The following HTT variants were observed in gnomAD, a reference collection of about 807,000 sequenced individuals.
HTT encodes the protein huntingtin, also known as huntington disease protein.
In HTT, 104 loss-of-function variants were observed where a neutral mutation model predicts 362.3. The ratio of observed to expected loss-of-function variants is 0.29; its 90% CI spans 0.24 to 0.34. The LOEUF (loss-of-function observed/expected upper bound fraction) is 0.34, where lower values mean the gene tolerates loss of function less well. HTT is among the 10% of genes least tolerant of loss of function. The pLI, the probability that HTT is intolerant of heterozygous loss-of-function variation, is 1.00. For missense variants in HTT, 3,301 were observed against 3,928.6 expected (o/e 0.84, Z 4.27); for synonymous variants, 1,577 against 1,548.7 (o/e 1.02, Z -0.43).
intron 29 of HTT, among the ~76,000 whole-genome samples, chr4:3,169,022 CT>C (rs761540640): frequency 1.3e-3 from 182 of 140,978 alleles, no homozygotes; most frequent in Non-Finnish European, 1.3e-3. Flanking sequence ...TTCTTTCTTT[CT>C]TTTTTTTTTT....
In HTT at chr4:3,186,711, A is replaced by G. The variant is rs1163728208; in HGVS notation, c.4981A>G (p.Asn1661Asp). Reference sequence around the variant, plus strand: ...TTTACGGAGTATGTTCGTCACTCCAAACACAATGGTGAGTCTCTCGCCTGG... The same window carrying G: ...TTTACGGAGTATGTTCGTCACTCCAGACACAATGGTGAGTCTCTCGCCTGG... ...MLLRSMFVTP[N>D]TMASVSTVQL... is the part of the protein sequence containing the mutation. The change falls in exon 38 of 67, where the codon AAC (asparagine) becomes GAC (aspartate). Residue 1661 changes from asparagine (N) to aspartate (D), a missense_variant. This residue lies in a region of HTT where 2,316 missense variants were observed against 2,658.5 expected (regional missense o/e 0.87). Transcript: ENST00000355072. 9 of 1,613,596 alleles carry G rather than the reference A, an allele frequency of 5.6e-6. No individual in the cohort carries two copies. Among genetic ancestry groups the G allele is most frequent in the Non-Finnish European group, 6.8e-6 (8 of 1,179,706 alleles).
At chr4:3,210,066 T>A in intron 47 of HTT, 117 bp downstream of exon 47, 1 of 1,312,934 alleles carries the variant, frequency 7.6e-7, no homozygotes, top group Non-Finnish European at 1.1e-6. Flanking sequence ...GACTCCAGTC[T>A]GGGCAGGGAC....
In HTT at chr4:3,220,236, C is replaced by T. The variant is rs781609227; in HGVS notation, c.7297C>T (p.Pro2433Ser). The part of the protein sequence containing the change: ...KPGGDFGTAF[P>S]EIPVEFLQEK... ...GGGAGGGGATTTTGGCACAGCATTCCCTGAGATCCCCGTGGAGTTCCTCCA... is the reference window on the plus strand; with the variant it reads ...GGGAGGGGATTTTGGCACAGCATTCTCTGAGATCCCCGTGGAGTTCCTCCA... The change falls in exon 53 of 67, where the codon CCT (proline) becomes TCT (serine). Residue 2433 changes from proline to serine, a missense_variant. This residue lies in a region of HTT where 753 missense variants were observed against 1,021.3 expected (regional missense o/e 0.74). Coordinates refer to ENST00000355072, the MANE Select transcript of HTT (RefSeq NM_001388492.1). 1 of 1,614,074 alleles carries T rather than the reference C, an allele frequency of 6.2e-7. No individual in the cohort carries two copies. Among genetic ancestry groups the T allele is most frequent in the Non-Finnish European group, 8.5e-7 (1 of 1,179,984 alleles).
At chr4:3,092,898 A>G (rs370488282) in intron 2 of HTT, among the ~76,000 whole-genome samples, 1 of 152,204 alleles carries the variant, frequency 6.6e-6, no homozygotes, top group African/African-American at 2.4e-5. Flanking sequence ...TCCCAGGAAA[A>G]TGAATGTGGA....
chr4:3,235,649 C>T lies in HTT; in HGVS notation c.8656C>T (p.Leu2886=), dbSNP rs199535935. The T allele has an allele frequency of 2.0e-3, 3,210 of 1,613,874 alleles. 12 individuals are homozygous for T. Among genetic ancestry groups the T allele is most frequent in the Middle Eastern group, 4.5e-3 (27 of 6,062 alleles). ...TGCCCTCAGAGGCCTGGAGCGCCTCCTGCTCTCTGAGCAGCTCTCCCGCCT... is the reference window on the plus strand; with the variant it reads ...TGCCCTCAGAGGCCTGGAGCGCCTCTTGCTCTCTGAGCAGCTCTCCCGCCT... The part of the protein sequence containing the change: ...HCALRGLERL[L]LSEQLSRLDA... Residue 2886 remains leucine, a synonymous_variant, in exon 63 of 67, where the codon CTG becomes TTG. Transcript: ENST00000355072.
At chr4:3,132,952 G>T (rs772758241) in intron 18 of HTT, 41 bp downstream of exon 18, 1 of 1,386,410 alleles carries the variant, frequency 7.2e-7, no homozygotes, top group South Asian at 1.2e-5. Flanking sequence ...TCACTTAGTG[G>T]ACATTTTATC....
chr4:3,122,122 C>T (rs956508148), intron 9 of HTT, among the ~76,000 whole-genome samples: 2 of 152,178 alleles, frequency 1.3e-5, no homozygotes, highest in Admixed American at 1.3e-4. Flanking sequence ...TCCGTCTGTC[C>T]CCAGCTCTGC....
intron 6 of HTT, among the ~76,000 whole-genome samples, chr4:3,110,061 G>T (rs1714669924): frequency 6.6e-6 from 1 of 152,164 alleles, no homozygotes; most frequent in African/African-American, 2.4e-5. Context: ...TCATCACCAT[G>T]TCGTGTTCAA....
Position 3,235,535 on chromosome 4 carries a change from T to G in HTT, c.8572-30T>G, listed in dbSNP as rs1378837968. ...AACACCTGAGACTGTGCAGCGATTC[T>G]TTGACACAGAGGCCTTTCTCCCTGT... On this transcript the variant is annotated intron_variant, in intron 62 of 66. Transcript: ENST00000355072. The G allele has an allele frequency of 3.1e-6, 5 of 1,604,376 alleles. No homozygotes were observed. In the African/African-American group the frequency reaches 6.7e-5, roughly 21 times the overall value.
intron 1 of HTT, among the ~76,000 whole-genome samples, chr4:3,076,251 T>A (rs753004791): frequency 1.3e-5 from 2 of 152,158 alleles, no homozygotes; most frequent in South Asian, 2.1e-4. Context: ...GTGTGTCGAG[T>A]GTACAGTAGG....
At chr4:3,151,922 T>A (rs916696427) in intron 26 of HTT, among the ~76,000 whole-genome samples, 10 of 152,146 alleles carry the variant, frequency 6.6e-5, no homozygotes, top group South Asian at 2.1e-4. Context: ...CAGCATTTTT[T>A]AAAAAATTTA....
chr4:3,156,083 T>C (rs1261584196), intron 27 of HTT, among the ~76,000 whole-genome samples: 1 of 152,166 alleles, frequency 6.6e-6, no homozygotes, highest in Non-Finnish European at 1.5e-5. Context: ...CTTGAACTCA[T>C]TCCTCCTGTC....
intron 2 of HTT, among the ~76,000 whole-genome samples, chr4:3,088,326 A>G (rs1416463300): frequency 6.6e-6 from 1 of 151,648 alleles, no homozygotes; most frequent in Non-Finnish European, 1.5e-5. Flanking sequence ...AGCTGGGACT[A>G]CAGGTGCTCG....
chr4:3,234,881 A>G (rs1423498862), intron 61 of HTT, among the ~76,000 whole-genome samples: 1 of 152,210 alleles, frequency 6.6e-6, no homozygotes, highest in Non-Finnish European at 1.5e-5. Context: ...GGGGGATCAC[A>G]GAAGGCAGCA....
At position 3,105,454 on chromosome 4, in the gene HTT, G is replaced by A. The variant is rs1247921430; in HGVS notation, c.608+18G>A. ...AAATGCAGGTAAGTTGTACACTCTG[G>A]ATGTTGGTTTTTGTCGGGGGCCAGC... On this transcript the variant is annotated intron_variant, in intron 5 of 66. Transcript: ENST00000355072. The A allele has an allele frequency of 6.3e-7, 1 of 1,579,348 alleles. No individual in the cohort carries two copies. The highest frequency in any genetic ancestry group is 2.2e-5 in the East Asian group (1 of 44,738).
At chr4:3,216,453 T>C (rs997689823) in intron 51 of HTT, among the ~76,000 whole-genome samples, 1 of 152,244 alleles carries the variant, frequency 6.6e-6, no homozygotes, top group Non-Finnish European at 1.5e-5. Context: ...TGGATTGAAA[T>C]CAATCAGTTA....
In HTT at chr4:3,131,307, A is replaced by G. The variant is rs747846880; in HGVS notation, c.2008A>G (p.Ile670Val). 1.8e-5 allele frequency: 29 copies of G among 1,613,736 alleles called. No individual in the cohort carries two copies. In the Middle Eastern group the frequency reaches 8.2e-4, roughly 46 times the overall value. ...ENKPCRIKGD[I>V]GQSTDDDSAP... ...CTAGCCTTGCCGCATCAAAGGTGAC[A>G]TTGGACAGTCCACTGATGATGACTC... The change falls in exon 15 of 67, where the codon ATT (isoleucine) becomes GTT (valine). Residue 670 changes from isoleucine to valine, a missense_variant. This residue lies in a region of HTT where 2,316 missense variants were observed against 2,658.5 expected (regional missense o/e 0.87). Transcript: ENST00000355072.
intron 37 of HTT, among the ~76,000 whole-genome samples, chr4:3,183,246 G>A (rs1718610873): frequency 6.6e-6 from 1 of 152,200 alleles, no homozygotes; most frequent in Non-Finnish European, 1.5e-5. Flanking sequence ...CAACTGCAGT[G>A]GAAGGAAATG....
At chr4:3,212,514 A>G (rs1720207850) in intron 48 of HTT, 50 bp from the exon 49 acceptor site, 1 of 1,582,140 alleles carries the variant, frequency 6.3e-7, no homozygotes, top group Middle Eastern at 1.7e-4. Context: ...TTCGAAGTTG[A>G]TGCATCTGTG....
Sources: gnomAD v4.1 joint callset for allele counts (sites outside exome capture counted in the v4.1 genomes callset) on GRCh38, gnomAD v4.1.1 for gene constraint, gnomAD v4.1.1 regional missense constraint, MANE v1.5 for transcripts, NCBI Gene and HGNC (gene_info 2026-07-23, HGNC 2026-07-21) for gene names.